The following RCC1L variants were observed in gnomAD, a reference collection of about 807,000 sequenced individuals.
The protein encoded by RCC1L is RCC1 like.
RCC1L carries 46 observed loss-of-function variants against 58.6 expected under a neutral mutation model. That is an observed-to-expected ratio of 0.79 (90% confidence interval 0.62 to 1.00). The LOEUF (loss-of-function observed/expected upper bound fraction) is 1.00, where lower values mean the gene tolerates loss of function less well. Among genes scored for constraint, RCC1L ranks in the 50% least tolerant of loss-of-function variants. The probability of loss-of-function intolerance (pLI) is 0.00; values close to 1 mark genes in which losing one functional copy is unlikely to be tolerated. For synonymous variants in RCC1L, 281 were observed against 262.9 expected (o/e 1.07, Z -0.67); for missense variants, 636 against 623.6 (o/e 1.02, Z -0.21).
intron 10 of RCC1L, among the ~76,000 whole-genome samples, chr7:75,044,224 T>C (rs1390242543): frequency 6.6e-6 from 1 of 152,252 alleles, no homozygotes; most frequent in Non-Finnish European, 1.5e-5. Flanking sequence ...CTGCTTTCTC[T>C]TTCTTGTTTA....
intron 2 of RCC1L, among the ~76,000 whole-genome samples, chr7:75,068,696 A>G (rs1340518171): frequency 1.3e-5 from 2 of 152,162 alleles, no homozygotes; most frequent in African/African-American, 4.8e-5. Flanking sequence ...ACAAACAAAC[A>G]AAAAAGATAT....
chr7:75,030,006 G>GA (rs1163737395), intron 10 of RCC1L, among the ~76,000 whole-genome samples: 1 of 152,190 alleles, frequency 6.6e-6, no homozygotes, highest in Non-Finnish European at 1.5e-5. Context: ...AGAAAATAAC[G>GA]AAAGAGGCCC....
Position 75,061,187 on chromosome 7 carries a change from G to T in RCC1L, c.787+20C>A. 1 of 1,606,746 alleles carries T rather than the reference G, an allele frequency of 6.2e-7. No homozygotes were observed. The highest frequency in any genetic ancestry group is 8.5e-7 in the Non-Finnish European group (1 of 1,173,448). On this transcript the variant is annotated intron_variant, in intron 6 of 10. Coordinates refer to ENST00000610322, the MANE Select transcript of RCC1L (RefSeq NM_030798.5). ...CGGGCTGAGAAGTTTCACGACCCCA[G>T]TGCATGAAAAGAACTCTACCTGTTT...
intron 10 of RCC1L, among the ~76,000 whole-genome samples, chr7:75,049,125 C>CT (rs1167313026): frequency 3.3e-5 from 5 of 152,268 alleles, no homozygotes; most frequent in East Asian, 1.9e-4. Flanking sequence ...AAGTTTTACT[C>CT]TTTTTTTCTC....
intron 10 of RCC1L, among the ~76,000 whole-genome samples, chr7:75,051,801 CAT>C (rs1173416177): frequency 6.6e-6 from 1 of 152,168 alleles, no homozygotes; most frequent in Non-Finnish European, 1.5e-5. Context: ...ACTGCACACA[CAT>C]GTATGTACTC....
intron 1 of RCC1L, among the ~76,000 whole-genome samples, chr7:75,072,921 C>T (rs1806817841): frequency 6.6e-6 from 1 of 152,176 alleles, no homozygotes; most frequent in Non-Finnish European, 1.5e-5. Flanking sequence ...GCCTGAGCGA[C>T]AGAGCGAGAC....
chr7:75,073,480 G>C lies in RCC1L; in HGVS notation c.258C>G (p.Pro86=). 2.9e-6 allele frequency: 4 copies of C among 1,383,240 alleles called. No homozygotes were observed. Among genetic ancestry groups the C allele is most frequent in the Non-Finnish European group, 3.7e-6 (4 of 1,074,044 alleles). 85.7% of individuals were successfully genotyped at this position (1,383,240 alleles called of 1,614,324 possible). Residue 86 remains proline, a synonymous_variant, in exon 1 of 11, where the codon CCC becomes CCG. Transcript: ENST00000610322. ...SFVVPSSGPG[P]RAGARPRRRI... The stretch of plus-strand genomic sequence containing the variant: ...TGCGGCGCGGTCGGGCGCCGGCGCG[G>C]GGCCCGGGCCCGGAGCTGGGCACCA...
rs1007003636 is a variant in RCC1L, at chr7:75,052,450, C to G, written c.1317+261G>C. Reference sequence around the variant, plus strand: ...CAGTCAGTGGGCCGGGATGGGTTGACCCAGCTCCTGCACCCCAAGAAGCCT... The same window carrying G: ...CAGTCAGTGGGCCGGGATGGGTTGAGCCAGCTCCTGCACCCCAAGAAGCCT... On this transcript the variant is annotated intron_variant, in intron 10 of 10. Coordinates refer to ENST00000610322, the MANE Select transcript of RCC1L (RefSeq NM_030798.5). Among the ~76,000 whole-genome samples the G allele has an allele frequency of 5.3e-5, 8 of 152,342 alleles. No homozygotes were observed. In the East Asian group the frequency reaches 1.5e-3, roughly 29 times the overall value.
chr7:75,028,156 C>T (rs977739271), intron 10 of RCC1L: 55 of 1,351,162 alleles, frequency 4.1e-5, no homozygotes, highest in Middle Eastern at 2.7e-4. Flanking sequence ...CTTGCTCTGT[C>T]GCCCAGGCTG....
In RCC1L at chr7:75,057,604, G is replaced by A. The variant is rs1426650887; in HGVS notation, c.982C>T (p.Arg328Cys). 78 of 1,613,780 alleles carry A rather than the reference G, an allele frequency of 4.8e-5. No homozygotes were observed. The Middle Eastern group carries it at 4.9e-4, about 10-fold the overall frequency. Reference sequence around the variant, plus strand: ...CCCACTCCTGAGAAGTGTAAGCAGCGGGGCACATTCACCTGAACCAAAGAA... The same window carrying A: ...CCCACTCCTGAGAAGTGTAAGCAGCAGGGCACATTCACCTGAACCAAAGAA... ...VTDSTQVNVP[R>C]CLHFSGVGKV... The change falls in exon 8 of 11, where the codon CGC becomes TGC. Residue 328 changes from arginine to cysteine, a missense_variant. Transcript: ENST00000610322.
At chr7:75,028,099 G>GCT in intron 10 of RCC1L, 1 of 1,511,922 alleles carries the variant, frequency 6.6e-7, no homozygotes, top group Non-Finnish European at 8.8e-7. Flanking sequence ...GAGGAAGAGG[G>GCT]CTCTCTATGA....
At position 75,056,078 on chromosome 7, in the gene RCC1L, C is replaced by T. The variant is rs782422836; in HGVS notation, c.1058-4G>A. On this transcript the variant is annotated splice_polypyrimidine_tract_variant and splice_region_variant and intron_variant, in intron 8 of 10. Transcript: ENST00000610322. ...CAGACAAAAACATGTCCTTCTCCTACATTACAGTAAAAACAAGGGTCAGTA... is the reference window on the plus strand; with the variant it reads ...CAGACAAAAACATGTCCTTCTCCTATATTACAGTAAAAACAAGGGTCAGTA... 8.1e-6 allele frequency: 13 copies of T among 1,613,962 alleles called. No homozygotes were observed. Among genetic ancestry groups the T allele is most frequent in the East Asian group, 2.2e-5 (1 of 44,882 alleles).
intron 5 of RCC1L, 149 bp from the exon 6 acceptor site, chr7:75,061,440 C>T (rs1240312756): frequency 3.1e-5 from 23 of 737,934 alleles, no homozygotes; most frequent in Non-Finnish European, 5.3e-5. Flanking sequence ...CTTACTCCTT[C>T]TCAATCTACC....
chr7:75,064,602 C>G lies in RCC1L; in HGVS notation c.630G>C (p.Val210=). 4 of 1,613,790 alleles carry G rather than the reference C, an allele frequency of 2.5e-6. No homozygotes were observed. Among genetic ancestry groups the G allele is most frequent in the Non-Finnish European group, 2.5e-6 (3 of 1,179,804 alleles). ...NNSYGQCGRK[V]VENEIYSESH... is the part of the protein sequence containing the mutation. ...CTCACCTGTAAATTTCATTTTCGAC[C>G]ACCTTTCTTCCACATTGCCCATAAG... The change falls in exon 4 of 11, where the codon GTG becomes GTC. Residue 210 remains valine, a synonymous_variant. Coordinates refer to ENST00000610322, the MANE Select transcript of RCC1L (RefSeq NM_030798.5).
intron 10 of RCC1L, chr7:75,028,115 A>G (rs1805189026): frequency 1.4e-6 from 2 of 1,417,292 alleles, no homozygotes; most frequent in Admixed American, 2.7e-5. Context: ...TATGATGTGG[A>G]ATTTTTTTTT....
At chr7:75,062,973 A>G (rs933214325) in intron 5 of RCC1L, among the ~76,000 whole-genome samples, 1 of 151,578 alleles carries the variant, frequency 6.6e-6, no homozygotes, top group African/African-American at 2.4e-5. Context: ...TAATTTTTGT[A>G]TTTTTAGTAA....
At chr7:75,070,109 C>T (rs1806665698) in intron 2 of RCC1L, among the ~76,000 whole-genome samples, 1 of 152,160 alleles carries the variant, frequency 6.6e-6, no homozygotes, top group South Asian at 2.1e-4. Flanking sequence ...CACAAAAGAA[C>T]ATCTTTACTT....
chr7:75,042,593 C>T lies in RCC1L; in HGVS notation c.*439G>A. Reference sequence around the variant, plus strand: ...GGCCGAAGCCAGCCTGACTCCCTCGCCTAAGCTGGGGCTCGGTCCGAGGCA... The same window carrying T: ...GGCCGAAGCCAGCCTGACTCCCTCGTCTAAGCTGGGGCTCGGTCCGAGGCA... On this transcript the variant is annotated 3_prime_UTR_variant, in exon 11 of 11. Coordinates refer to ENST00000610322, the MANE Select transcript of RCC1L (RefSeq NM_030798.5). 2.0e-6 allele frequency: 2 copies of T among 1,005,218 alleles called. No individual in the cohort carries two copies. The highest frequency in any genetic ancestry group is 2.4e-6 in the Non-Finnish European group (2 of 841,226). 62.3% of individuals were successfully genotyped at this position (1,005,218 alleles called of 1,614,324 possible). A position where few individuals can be genotyped will look rare whatever the true frequency, so the allele number is the denominator to read the frequency against.
intron 1 of RCC1L, among the ~76,000 whole-genome samples, chr7:75,071,491 C>G (rs998567537): frequency 7.9e-5 from 12 of 152,014 alleles, no homozygotes; most frequent in African/African-American, 2.7e-4. Flanking sequence ...ACTAAAAATA[C>G]AAAAATTAGC....
Sources: allele counts gnomAD v4.1 joint callset (sites outside exome capture counted in the v4.1 genomes callset), GRCh38; gene constraint gnomAD v4.1.1; transcripts MANE v1.5; gene names NCBI Gene and HGNC (gene_info 2026-07-23, HGNC 2026-07-21).